DNAH7: variants seen among roughly 807,000 people sequenced by gnomAD.
DNAH7 encodes axonemal beta dynein heavy chain 7.
Under a neutral mutation model 444.6 loss-of-function variants are expected in DNAH7, and 397 were observed. The observed-to-expected ratio is 0.89, with a 90% CI of 0.82 to 0.97. The LOEUF (loss-of-function observed/expected upper bound fraction) is 0.97, where lower values mean the gene tolerates loss of function less well. Ranked by LOEUF, DNAH7 falls within the 50% of genes least tolerant of loss-of-function variation. The probability of loss-of-function intolerance (pLI) is 0.00; values close to 1 mark genes in which losing one functional copy is unlikely to be tolerated. For synonymous variants in DNAH7, 1,636 were observed against 1,624.4 expected (o/e 1.01, Z -0.17); for missense variants, 4,902 against 4,800.8 (o/e 1.02, Z -0.62).
chr2:195,770,489 C>G (rs1417440109), intron 61 of DNAH7, among the ~76,000 whole-genome samples: 1 of 152,046 alleles, frequency 6.6e-6, no homozygotes, highest in Non-Finnish European at 1.5e-5. Context: ...GTTCCTGGAC[C>G]AGGCCCAGCT....
chr2:196,020,415 T>C (rs1278776011), intron 8 of DNAH7, among the ~76,000 whole-genome samples: 1 of 152,210 alleles, frequency 6.6e-6, no homozygotes, highest in Non-Finnish European at 1.5e-5. Flanking sequence ...TTTCAGAATA[T>C]ATTTAAACAT....
At chr2:195,882,107 G>T in intron 35 of DNAH7, 115 bp from the exon 36 acceptor site, 1 of 789,188 alleles carries the variant, frequency 1.3e-6, no homozygotes, top group Non-Finnish European at 2.0e-6. Context: ...GTATACATTT[G>T]TTTTATCCTT....
chr2:195,894,275 T>G (rs1481104336), intron 30 of DNAH7: 1 of 152,100 alleles, frequency 6.6e-6, no homozygotes, highest in East Asian at 1.9e-4. Flanking sequence ...AGGGAGAAAG[T>G]AGGGGTAGCA....
chr2:195,787,310 A>G, intron 57 of DNAH7, 139 bp from the exon 58 acceptor site: 1 of 911,366 alleles, frequency 1.1e-6, no homozygotes, highest in East Asian at 2.7e-5. Context: ...CAATTATAAC[A>G]GAGTTAAGTA....
rs749137273 is a variant in DNAH7, at chr2:196,000,692, C to A, written c.1353+12G>T. 2.6e-6 allele frequency: 4 copies of A among 1,522,616 alleles called. No homozygotes were observed. Among genetic ancestry groups the A allele is most frequent in the African/African-American group, 1.4e-5 (1 of 71,930 alleles). 94.3% of individuals were successfully genotyped at this position (1,522,616 alleles called of 1,614,324 possible). A position where few individuals can be genotyped will look rare whatever the true frequency, so the allele number is the denominator to read the frequency against. On this transcript the variant is annotated intron_variant, in intron 12 of 64. Coordinates refer to ENST00000312428, the MANE Select transcript of DNAH7 (RefSeq NM_018897.3). The stretch of plus-strand genomic sequence containing the variant: ...TGCAAATTCAAGCAATCTTAATATC[C>A]TTGTTACTTACCCACTTGGAATACA...
chr2:195,800,770 G>C (rs1696408546), intron 54 of DNAH7, among the ~76,000 whole-genome samples: 1 of 151,732 alleles, frequency 6.6e-6, no homozygotes. Flanking sequence ...TATTTTCCTG[G>C]AAAAAAATCA....
chr2:195,767,364 G>C (rs1419076605), intron 61 of DNAH7, among the ~76,000 whole-genome samples: 1 of 151,926 alleles, frequency 6.6e-6, no homozygotes, highest in East Asian at 1.9e-4. Flanking sequence ...CTTTGTAAAT[G>C]TTCCATGTTA....
intron 61 of DNAH7, among the ~76,000 whole-genome samples, chr2:195,757,880 C>T (rs745334944): frequency 1.1e-4 from 16 of 152,176 alleles, no homozygotes; most frequent in Non-Finnish European, 2.2e-4. Flanking sequence ...GATCTTCCTC[C>T]CCCGCCCCAA....
chr2:195,857,811 G>A (rs1341000940), intron 43 of DNAH7, 88 bp from the exon 44 acceptor site: 1 of 1,142,538 alleles, frequency 8.8e-7, no homozygotes, highest in Non-Finnish European at 1.2e-6. Context: ...TAAGCATACA[G>A]AAACTCACTG....
intron 61 of DNAH7, among the ~76,000 whole-genome samples, chr2:195,771,212 C>T (rs1278660320): frequency 6.6e-6 from 1 of 151,960 alleles, no homozygotes; most frequent in Non-Finnish European, 1.5e-5. Flanking sequence ...TGGTGGCTCA[C>T]ACCTCTAATC....
intron 10 of DNAH7, among the ~76,000 whole-genome samples, chr2:196,005,468 A>G (rs894317184): frequency 8.5e-5 from 13 of 152,082 alleles, no homozygotes; most frequent in African/African-American, 3.1e-4. Context: ...ACTTATAGTT[A>G]AACTGACCAA....
At chr2:196,036,027 CTTTTTT>C (rs750452521) in intron 5 of DNAH7, among the ~76,000 whole-genome samples, 3 of 129,516 alleles carry the variant, frequency 2.3e-5, no homozygotes, top group Non-Finnish European at 4.9e-5. Flanking sequence ...TCTCCACATT[CTTTTTT>C]TTTTTTTTTT....
chr2:195,930,505 T>C (rs1688620033), intron 21 of DNAH7, among the ~76,000 whole-genome samples: 1 of 152,126 alleles, frequency 6.6e-6, no homozygotes, highest in Non-Finnish European at 1.5e-5. Context: ...GAATGGCTAT[T>C]ACTAAAAAGT....
At chr2:195,816,493 C>T (rs1025496501) in intron 51 of DNAH7, 135 bp downstream of exon 51, 8 of 657,912 alleles carry the variant, frequency 1.2e-5, no homozygotes, top group Admixed American at 6.1e-5. Context: ...ACTTCTGATA[C>T]GATGATTAAT....
At chr2:195,765,269 A>C (rs1407717441) in intron 61 of DNAH7, among the ~76,000 whole-genome samples, 2 of 152,194 alleles carry the variant, frequency 1.3e-5, no homozygotes, top group Admixed American at 6.5e-5. Context: ...CAAACTATGA[A>C]TCTACTGTGA....
chr2:195,737,835 CAA>C lies in DNAH7; in HGVS notation c.*84_*85del. 1.7e-6 allele frequency: 2 copies of C among 1,189,128 alleles called. No homozygotes were observed. The highest frequency in any genetic ancestry group is 2.3e-6 in the Non-Finnish European group (2 of 859,402). The allele number at this position is 1,189,128 out of a possible 1,614,324, so 73.7% of individuals were successfully genotyped here. On this transcript the variant is annotated 3_prime_UTR_variant, in exon 65 of 65. Transcript: ENST00000312428. ...CTTTAGTCAAATGTATTTAAACAAA[CAA>C]AAAAAAAGGTTTAAGTAGTAAAATA...
chr2:195,817,033 T>C (rs1254095984), intron 50 of DNAH7, 70 bp from the exon 51 acceptor site: 3 of 1,166,638 alleles, frequency 2.6e-6, no homozygotes, highest in East Asian at 5.1e-5. Flanking sequence ...TATGTTCTTT[T>C]ATAAGAAACA....
chr2:195,862,091 CT>C (rs968414154), intron 41 of DNAH7, 145 bp from the exon 42 acceptor site: 7 of 665,356 alleles, frequency 1.1e-5, no homozygotes, highest in Non-Finnish European at 1.8e-5. Flanking sequence ...TCATAAGAAA[CT>C]TTCCCGAGGA....
rs185321889 is a variant in DNAH7 at position 196,044,358 on chromosome 2, G to A, written c.398+2994C>T. On this transcript the variant is annotated intron_variant, in intron 5 of 64. Coordinates refer to ENST00000312428, the MANE Select transcript of DNAH7 (RefSeq NM_018897.3). ...ACTCAGGAATGGAAATCCAAACATC[G>A]AATGTTCTCACTCATATGTGGGACC... Among the ~76,000 whole-genome samples, 10 of 151,854 alleles carry A rather than the reference G, an allele frequency of 6.6e-5. No individual in the cohort carries two copies. In the South Asian group the frequency reaches 8.3e-4, roughly 13 times the overall value.
Sources: allele counts gnomAD v4.1 joint callset (sites outside exome capture counted in the v4.1 genomes callset), GRCh38; gene constraint gnomAD v4.1.1; transcripts MANE v1.5; gene names NCBI Gene and HGNC (gene_info 2026-07-23, HGNC 2026-07-21).